TTN: variants seen among roughly 807,000 people sequenced by gnomAD.
TTN encodes the protein connectin.
TTN carries 1,525 observed loss-of-function variants against 3,223.0 expected under a neutral mutation model. The ratio of observed to expected loss-of-function variants is 0.47; its 90% CI spans 0.45 to 0.49. The LOEUF is 0.49. Ranked by LOEUF, TTN falls within the 20% of genes least tolerant of loss-of-function variation. The pLI is 0.00. For missense variants in TTN, 40,786 were observed against 43,424.0 expected (o/e 0.94, Z 5.40); for synonymous variants, 14,094 against 15,161.0 (o/e 0.93, Z 5.17).
rs1479928257 is a variant in TTN, at chr2:178,677,623, G to T, written c.34289C>A (p.Pro11430Gln). The part of the protein sequence containing the change: ...EVKPKVPVPA[P>Q]VPEVPKKPVP... ...GATTCCAAGAAGAGCTGCTATACCT[G>T]GTGCAGGTACTGGCACCTTAGGTTT... is the stretch of plus-strand genomic sequence containing the variant. The change falls in exon 146 of 363, where the codon CCA becomes CAA. Residue 11430 changes from proline to glutamine, a missense_variant and splice_region_variant. Transcript: ENST00000589042. 6.2e-7 allele frequency: 1 copy of T among 1,609,348 alleles called. No homozygotes were observed. The highest frequency in any genetic ancestry group is 1.1e-5 in the South Asian group (1 of 90,404).
Position 178,695,895 on chromosome 2 carries a change from C to T in TTN, c.31177G>A (p.Val10393Ile). ...EWEEAYQERE[V>I]IQVQKEVYEE... ...TAGACCTCCTTTTGAACTTGAATTACTTCCCTTTCTTGGTAAGCCTCTTCC... is the reference window on the plus strand; with the variant it reads ...TAGACCTCCTTTTGAACTTGAATTATTTCCCTTTCTTGGTAAGCCTCTTCC... Residue 10393 changes from valine (V) to isoleucine (I), a missense_variant, in exon 114 of 363, where the codon GTA (valine) becomes ATA (isoleucine). Transcript: ENST00000589042. 2 of 1,459,672 alleles carry T rather than the reference C, an allele frequency of 1.4e-6. No individual in the cohort carries two copies. Among genetic ancestry groups the T allele is most frequent in the Non-Finnish European group, 1.8e-6 (2 of 1,106,936 alleles). The allele number at this position is 1,459,672 out of a possible 1,614,324, so 90.4% of individuals were successfully genotyped here.
At position 178,712,983 on chromosome 2, in the gene TTN, CA is replaced by C. The variant is rs888604866; in HGVS notation, c.27050-9del. On this transcript the variant is annotated splice_polypyrimidine_tract_variant and intron_variant, in intron 93 of 362. Transcript: ENST00000589042. Reference sequence around the variant, plus strand: ...GAACAAAAGATGGTGGTTCTAAACACAAAAGCACATATCAGAAAAGGTTTAG... The same window carrying C: ...GAACAAAAGATGGTGGTTCTAAACACAAAGCACATATCAGAAAAGGTTTAG... The C allele has an allele frequency of 4.3e-6, 7 of 1,610,144 alleles. No individual in the cohort carries two copies. In the African/African-American group the frequency reaches 8.0e-5, roughly 18 times the overall value.
In TTN at chr2:178,664,537, A is replaced by T. The variant is rs528227509; in HGVS notation, c.36203T>A (p.Val12068Glu). ...LRKPEVLPDE[V>E]PEALREVVPE... ...GACAACTTCTCTGAGAGCCTCCGGC[A>T]CTTTGAAGATATTAATAATTTTACA... The change falls in exon 168 of 363, where the codon GTG becomes GAG. Residue 12068 changes from valine to glutamate, a missense_variant and splice_region_variant. Val to Glu is a moderately radical substitution (Grantham distance 121). Transcript: ENST00000589042. The T allele has an allele frequency of 1.2e-6, 2 of 1,610,350 alleles. No individual in the cohort carries two copies. Among genetic ancestry groups the T allele is most frequent in the African/African-American group, 1.3e-5 (1 of 74,738 alleles).
chr2:178,549,177 C>T lies in TTN; in HGVS notation c.92449G>A (p.Glu30817Lys), dbSNP rs529196025. 1 of 1,613,760 alleles carries T rather than the reference C, an allele frequency of 6.2e-7. No homozygotes were observed. Among genetic ancestry groups the T allele is most frequent in the African/African-American group, 1.3e-5 (1 of 75,034 alleles). The change falls in exon 339 of 363, where the codon GAG (glutamate) becomes AAG (lysine). Residue 30817 changes from glutamate to lysine, a missense_variant. Physicochemically the swap from Glu to Lys is moderately conservative, Grantham distance 56 (BLOSUM62 1). Coordinates refer to ENST00000589042, the MANE Select transcript of TTN (RefSeq NM_001267550.2). ...SGISRLIKCR[E>K]PVNPPGPPTV... ...GGAGGACCTGGTGGGTTGACGGGCT[C>T]TCTACATTTAATGAGTCTTGAGATG...
rs1044190833 is a variant in TTN, at chr2:178,547,457, C to A, written c.94169G>T (p.Gly31390Val). 6.2e-7 allele frequency: 1 copy of A among 1,611,546 alleles called. No homozygotes were observed. The highest frequency in any genetic ancestry group is 8.5e-7 in the Non-Finnish European group (1 of 1,178,530). ...TGCTGATTCTAGAGGTTTGCTGACA[C>A]CAAATCTGTTCTCTGAACTGACACG... ...SFRVSSENRF[G>V]VSKPLESAPI... Residue 31390 changes from glycine to valine, a missense_variant, in exon 339 of 363, where the codon GGT becomes GTT. Gly to Val is a moderately radical substitution (Grantham distance 109). Transcript: ENST00000589042.
In TTN at chr2:178,584,349, G is replaced by C. The variant is rs765344234; in HGVS notation, c.65202C>G (p.Ile21734Met). 4 of 1,612,446 alleles carry C rather than the reference G, an allele frequency of 2.5e-6. No homozygotes were observed. Among genetic ancestry groups the C allele is most frequent in the Non-Finnish European group, 3.4e-6 (4 of 1,178,940 alleles). The change falls in exon 311 of 363, where the codon ATC becomes ATG. Residue 21734 changes from isoleucine to methionine, a missense_variant. Ile to Met is a conservative substitution (Grantham distance 10, BLOSUM62 1). Transcript: ENST00000589042. ...TGGATCCAGCTTTGTTTAGGGCATAGATTCTGAATGAATACTCAAGACCTT... is the reference window on the plus strand; with the variant it reads ...TGGATCCAGCTTTGTTTAGGGCATACATTCTGAATGAATACTCAAGACCTT... ...LVEGLEYSFR[I>M]YALNKAGSSP... is the part of the protein sequence containing the mutation.
intron 115 of TTN, 129 bp downstream of exon 115, chr2:178,695,219 C>G: frequency 1.6e-6 from 1 of 622,960 alleles, no homozygotes; most frequent in Non-Finnish European, 2.7e-6. Flanking sequence ...AAAAAAAAAT[C>G]ATTCACAATA....
chr2:178,778,025 GCAAA>G, intron 24 of TTN, 50 bp from the exon 25 acceptor site: 1 of 1,589,976 alleles, frequency 6.3e-7, no homozygotes, highest in Non-Finnish European at 8.6e-7. Context: ...AGAAAACTCA[GCAAA>G]ACAAACTTCA....
At chr2:178,750,296 G>A in intron 47 of TTN, 5 of 1,613,112 alleles carry the variant, frequency 3.1e-6, no homozygotes, top group Non-Finnish European at 4.2e-6. Context: ...TTTTTGTTTT[G>A]CTTTCACTTT....
rs1488918055 is a variant in TTN at position 178,804,666 on chromosome 2, A to C, written c.-13-11T>G. 5 of 1,612,596 alleles carry C rather than the reference A, an allele frequency of 3.1e-6. No homozygotes were observed. The Admixed American group carries it at 8.3e-5, about 27-fold the overall frequency. ...ATCTTTCTAGGCACTCTGAAAAAGA[A>C]GAGAAAATAAATTAGGGTGTCCCAG... On this transcript the variant is annotated splice_polypyrimidine_tract_variant and intron_variant, in intron 1 of 362. Coordinates refer to ENST00000589042, the MANE Select transcript of TTN (RefSeq NM_001267550.2).
rs201977609 is a variant in TTN at position 178,703,709 on chromosome 2, T to C, written c.30223+438A>G. Among the ~76,000 whole-genome samples, 6 of 152,228 alleles carry C rather than the reference T, an allele frequency of 3.9e-5. No individual in the cohort carries two copies. The East Asian group carries it at 1.2e-3, about 29-fold the overall frequency. Reference sequence around the variant, plus strand: ...AATATTTTTGAAAAATAGTTGCTAATTGCACATGACATGTTTATGTTATCT... The same window carrying C: ...AATATTTTTGAAAAATAGTTGCTAACTGCACATGACATGTTTATGTTATCT... On this transcript the variant is annotated intron_variant, in intron 106 of 362. Transcript: ENST00000589042.
Position 178,769,823 on chromosome 2 carries a change from C to G in TTN, c.8758G>C (p.Glu2920Gln), listed in dbSNP as rs911601060. 6.2e-7 allele frequency: 1 copy of G among 1,614,050 alleles called. No homozygotes were observed. Among genetic ancestry groups the G allele is most frequent in the East Asian group, 2.2e-5 (1 of 44,868 alleles). ...TTGAACTTTTCACTCATCTCAATTT[C>G]CACACCATTCTTCAGCCACATGGAA... ...VPSMWLKNGVEIEMSEKFKIV... is the reference protein window; with the variant it reads ...VPSMWLKNGVQIEMSEKFKIV... The change falls in exon 37 of 363, where the codon GAA becomes CAA. Residue 2920 changes from glutamate to glutamine, a missense_variant. Coordinates refer to ENST00000589042, the MANE Select transcript of TTN (RefSeq NM_001267550.2).
intron 47 of TTN, chr2:178,747,984 C>A (rs1560990089): frequency 6.2e-7 from 1 of 1,613,020 alleles, no homozygotes; most frequent in Non-Finnish European, 8.5e-7. Context: ...AAAGTGGCAT[C>A]TGTATATTCC....
At chr2:178,764,143 T>G (rs1214195647) in intron 43 of TTN, 34 bp downstream of exon 43, 1 of 1,613,950 alleles carries the variant, frequency 6.2e-7, no homozygotes, top group African/African-American at 1.3e-5. Context: ...TATTTGTAAG[T>G]ATTGGCAATG....
chr2:178,684,680 G>T lies in TTN; in HGVS notation c.32624C>A (p.Pro10875His), dbSNP rs72650031. 1 of 1,609,098 alleles carries T rather than the reference G, an allele frequency of 6.2e-7. No individual in the cohort carries two copies. Among genetic ancestry groups the T allele is most frequent in the African/African-American group, 1.3e-5 (1 of 74,344 alleles). ...VPPKVIKMEE[P>H]LPAKVTERHM... Reference sequence around the variant, plus strand: ...GGTTTGTTTACCTTTGGCTGGGAGAGGTTCTTCCATCTTAATGACTTTTGG... The same window carrying T: ...GGTTTGTTTACCTTTGGCTGGGAGATGTTCTTCCATCTTAATGACTTTTGG... Residue 10875 changes from proline (P) to histidine (H), a missense_variant, in exon 131 of 363, where the codon CCT becomes CAT. Physicochemically the swap from Pro to His is moderately conservative, Grantham distance 77. Coordinates refer to ENST00000589042, the MANE Select transcript of TTN (RefSeq NM_001267550.2).
chr2:178,744,347 A>G (rs2083048665), intron 47 of TTN: 1 of 980,398 alleles, frequency 1.0e-6, no homozygotes, highest in South Asian at 4.7e-5. Context: ...TTAACACAGA[A>G]TTGTATTGTT....
chr2:178,747,934 G>A lies in TTN; in HGVS notation c.11311+5190C>T, dbSNP rs573214594. 1 of 1,613,054 alleles carries A rather than the reference G, an allele frequency of 6.2e-7. No individual in the cohort carries two copies. Reference sequence around the variant, plus strand: ...ACTGACTCAGGGAGAGCTGTCTATGGAGTGTGTCAGCTTCCTGAACATCAC... The same window carrying A: ...ACTGACTCAGGGAGAGCTGTCTATGAAGTGTGTCAGCTTCCTGAACATCAC... On this transcript the variant is annotated intron_variant, in intron 47 of 362. Coordinates refer to ENST00000589042, the MANE Select transcript of TTN (RefSeq NM_001267550.2).
intron 283 of TTN, 29 bp downstream of exon 283, chr2:178,602,253 G>A: frequency 6.2e-7 from 1 of 1,602,450 alleles, no homozygotes; most frequent in Non-Finnish European, 8.5e-7. Context: ...ATCAAAAGAG[G>A]AATACATAAA....
rs548501481 is a variant in TTN, at chr2:178,553,418, A to G, written c.89504-22T>C. The G allele has an allele frequency of 4.4e-6, 7 of 1,574,904 alleles. No homozygotes were observed. In the East Asian group the frequency reaches 1.1e-4, roughly 25 times the overall value. ...GCCTCTGTAGACATAAAATGGATAC[A>G]TACAGTGAATTTTAAAAGCAAAAAA... On this transcript the variant is annotated intron_variant, in intron 334 of 362. Transcript: ENST00000589042.
Sources: allele counts gnomAD v4.1 joint callset (sites outside exome capture counted in the v4.1 genomes callset), GRCh38; gene constraint gnomAD v4.1.1; transcripts MANE v1.5; gene names NCBI Gene and HGNC (gene_info 2026-07-23, HGNC 2026-07-21).